AKAP13: variants seen among roughly 807,000 people sequenced by gnomAD.
AKAP13 encodes A-kinase anchoring protein 13.
AKAP13 carries 80 observed loss-of-function variants against 264.5 expected under a neutral mutation model. The ratio of observed to expected loss-of-function variants is 0.30; its 90% CI spans 0.25 to 0.36. AKAP13 has a LOEUF of 0.36. Ranked by LOEUF, AKAP13 falls within the 10% of genes least tolerant of loss-of-function variation. The pLI, the probability that AKAP13 is intolerant of heterozygous loss-of-function variation, is 1.00. For synonymous variants in AKAP13, 1,380 were observed against 1,250.2 expected (o/e 1.10, Z -2.19); for missense variants, 3,712 against 3,435.2 (o/e 1.08, Z -2.01).
intron 1 of AKAP13, among the ~76,000 whole-genome samples, chr15:85,444,595 A>C (rs2073835366): frequency 6.6e-6 from 1 of 152,156 alleles, no homozygotes; most frequent in Admixed American, 6.6e-5. Context: ...AAAATCTGTA[A>C]GTGAAATGCC....
intron 12 of AKAP13, among the ~76,000 whole-genome samples, chr15:85,664,181 CATTT>C (rs1317982251): frequency 1.3e-5 from 2 of 152,212 alleles, no homozygotes; most frequent in Admixed American, 6.5e-5. Context: ...TTCTCTGTGA[CATTT>C]AATTACTTGG....
chr15:85,560,222 G>T (rs1231345310), intron 5 of AKAP13, among the ~76,000 whole-genome samples: 2 of 149,838 alleles, frequency 1.3e-5, no homozygotes, highest in African/African-American at 4.9e-5. Context: ...CTAGAGTGCT[G>T]TGGTGAGACC....
At chr15:85,427,735 A>G (rs1247533352) in intron 1 of AKAP13, among the ~76,000 whole-genome samples, 1 of 152,224 alleles carries the variant, frequency 6.6e-6, no homozygotes, top group African/African-American at 2.4e-5. Context: ...CAGTTATGGA[A>G]ATATAGATGA....
rs1218973947 is a variant in AKAP13, at chr15:85,746,726, T to C, written c.*2049T>C. ...GTTACAGCTGAATCTGTCGTGACTT[T>C]CCTGAGATCTACCCGGGGCTTGGCT... On this transcript the variant is annotated 3_prime_UTR_variant, in exon 37 of 37. Coordinates refer to ENST00000394518, the MANE Select transcript of AKAP13 (RefSeq NM_007200.5). 6.6e-6 allele frequency: 1 copy of C among 151,218 alleles called. No homozygotes were observed. The highest frequency in any genetic ancestry group is 1.5e-5 in the Non-Finnish European group (1 of 67,768). The allele number at this position is 151,218 out of a possible 1,614,324, so 9.4% of individuals were successfully genotyped here.
chr15:85,381,620 G>C (rs181886353), intron 1 of AKAP13: 2 of 145,342 alleles, frequency 1.4e-5, no homozygotes, highest in East Asian at 4.1e-4. Flanking sequence ...AAAGGGGGTA[G>C]ATAGGTTTGT....
chr15:85,614,144 G>A (rs2151400902), intron 8 of AKAP13, among the ~76,000 whole-genome samples: 1 of 152,250 alleles, frequency 6.6e-6, no homozygotes, highest in South Asian at 2.1e-4. Flanking sequence ...TTTGTTTGGG[G>A]CATCCACATC....
intron 1 of AKAP13, among the ~76,000 whole-genome samples, chr15:85,460,719 G>T (rs1022680211): frequency 1.3e-5 from 2 of 152,218 alleles, no homozygotes; most frequent in African/African-American, 4.8e-5. Flanking sequence ...CAGAGAGAGA[G>T]ATGACAATTG....
intron 5 of AKAP13, among the ~76,000 whole-genome samples, chr15:85,563,336 T>G (rs2078477996): frequency 1.5e-5 from 2 of 134,118 alleles, no homozygotes; most frequent in Admixed American, 7.4e-5. Flanking sequence ...CTTGTTTTTT[T>G]TTTTTTTTTT....
chr15:85,595,816 TC>T (rs2079799260), intron 8 of AKAP13, among the ~76,000 whole-genome samples: 3 of 152,074 alleles, frequency 2.0e-5, no homozygotes, highest in African/African-American at 2.4e-5. Context: ...CTGGCAGTAA[TC>T]CAGGTTAAAA....
At chr15:85,438,667 A>G (rs1305727739) in intron 1 of AKAP13, among the ~76,000 whole-genome samples, 1 of 150,740 alleles carries the variant, frequency 6.6e-6, no homozygotes, top group Non-Finnish European at 1.5e-5. Context: ...AACGCCGCAT[A>G]TATACAACTA....
intron 2 of AKAP13, among the ~76,000 whole-genome samples, chr15:85,497,878 C>G (rs2075916651): frequency 6.6e-6 from 1 of 152,002 alleles, no homozygotes; most frequent in Non-Finnish European, 1.5e-5. Flanking sequence ...GAAAGTCATA[C>G]CCAAAATAAA....
At chr15:85,399,219 G>A (rs781523066) in intron 1 of AKAP13, among the ~76,000 whole-genome samples, 3 of 152,034 alleles carry the variant, frequency 2.0e-5, no homozygotes, top group African/African-American at 7.3e-5. Flanking sequence ...GATGCAGGCC[G>A]GGCGCGGTGG....
At chr15:85,589,592 C>T (rs538323866) in intron 8 of AKAP13, among the ~76,000 whole-genome samples, 5 of 124,486 alleles carry the variant, frequency 4.0e-5, no homozygotes, top group African/African-American at 1.4e-4. Flanking sequence ...CTTGTCTCCA[C>T]TAAAAAAAAA....
chr15:85,587,029 C>G lies in AKAP13; in HGVS notation c.4161+1206C>G, dbSNP rs369550483. Among the ~76,000 whole-genome samples the G allele has an allele frequency of 1.8e-4, 28 of 152,130 alleles. No homozygotes were observed. In the East Asian group the frequency reaches 4.8e-3, roughly 26 times the overall value. ...TGATTCACATACCATAAAATCCACC[C>G]AATCAAATAAAGTGCATAGGTCATT... On this transcript the variant is annotated intron_variant, in intron 8 of 36. Coordinates refer to ENST00000394518, the MANE Select transcript of AKAP13 (RefSeq NM_007200.5).
chr15:85,741,003 G>C (rs371816914), intron 34 of AKAP13, 43 bp from the exon 35 acceptor site: 7 of 1,562,356 alleles, frequency 4.5e-6, no homozygotes, highest in Middle Eastern at 2.2e-4. Flanking sequence ...GCTCGCTGTC[G>C]TCCTGGCCAG....
chr15:85,617,645 G>C (rs1293126492), intron 8 of AKAP13, among the ~76,000 whole-genome samples: 1 of 152,206 alleles, frequency 6.6e-6, no homozygotes, highest in Non-Finnish European at 1.5e-5. Context: ...AAACAGAAGG[G>C]AGTGGCAGTG....
At chr15:85,426,964 T>G (rs1333301798) in intron 1 of AKAP13, among the ~76,000 whole-genome samples, 1 of 149,074 alleles carries the variant, frequency 6.7e-6, no homozygotes, top group South Asian at 2.1e-4. Context: ...TGTTTTTTTT[T>G]TTTTTTTTGG....
At chr15:85,566,695 C>T (rs1212170356) in intron 5 of AKAP13, among the ~76,000 whole-genome samples, 1 of 148,686 alleles carries the variant, frequency 6.7e-6, no homozygotes, top group Non-Finnish European at 1.5e-5. Context: ...GGTGCAGCCT[C>T]GACTCACTGC....
At chr15:85,587,025 C>T (rs888787184) in intron 8 of AKAP13, among the ~76,000 whole-genome samples, 2 of 151,848 alleles carry the variant, frequency 1.3e-5, no homozygotes, top group Non-Finnish European at 2.9e-5. Flanking sequence ...CCATAAAATC[C>T]ACCCAATCAA....
Sources: gnomAD v4.1 joint callset for allele counts (sites outside exome capture counted in the v4.1 genomes callset) on GRCh38, gnomAD v4.1.1 for gene constraint, MANE v1.5 for transcripts, NCBI Gene and HGNC (gene_info 2026-07-23, HGNC 2026-07-21) for gene names.